IKZF5: variants seen among roughly 807,000 people sequenced by gnomAD.
IKZF5 encodes the protein IKAROS family zinc finger 5, also known as zinc finger protein Pegasus.
IKZF5 carries 4 observed loss-of-function variants against 30.7 expected under a neutral mutation model. The observed-to-expected ratio is 0.13, with a 90% CI of 0.06 to 0.30. The LOEUF is 0.30. Among genes scored for constraint, IKZF5 ranks in the 10% least tolerant of loss-of-function variants. The pLI is 1.00. For missense variants in IKZF5, 348 were observed against 525.5 expected (o/e 0.66, Z 3.30); for synonymous variants, 148 against 179.6 (o/e 0.82, Z 1.41).
At chr10:122,996,354 TTCTG>T (rs1176021808) in intron 3 of IKZF5, among the ~76,000 whole-genome samples, 178 bp from the exon 4 acceptor site, 1 of 152,158 alleles carries the variant, frequency 6.6e-6, no homozygotes, top group African/African-American at 2.4e-5. Flanking sequence ...CAGTAATACA[TTCTG>T]TATTATATTC....
At position 122,990,852 on chromosome 10, in the gene IKZF5, C is replaced by T. The variant is rs1413983556; in HGVS notation, c.*2928G>A. 3 of 148,654 alleles carry T rather than the reference C, an allele frequency of 2.0e-5. No homozygotes were observed. Among genetic ancestry groups the T allele is most frequent in the African/African-American group, 7.5e-5 (3 of 40,040 alleles). 9.2% of individuals were successfully genotyped at this position (148,654 alleles called of 1,614,324 possible). A position where few individuals can be genotyped will look rare whatever the true frequency, so the allele number is the denominator to read the frequency against. On this transcript the variant is annotated 3_prime_UTR_variant, in exon 5 of 5. Transcript: ENST00000368886. Reference sequence around the variant, plus strand: ...TTTATTACAAAAGCAAAGCTTCATTCACAATATGAACTGCATACTAGATAT... The same window carrying T: ...TTTATTACAAAAGCAAAGCTTCATTTACAATATGAACTGCATACTAGATAT...
chr10:122,994,886 C>T lies in IKZF5; in HGVS notation c.317-163G>A, dbSNP rs1248599614. On this transcript the variant is annotated intron_variant, in intron 4 of 4. Coordinates refer to ENST00000368886, the MANE Select transcript of IKZF5 (RefSeq NM_001372123.1). This position sits in a 1 kb window ranked among gnomAD's most constrained non-coding sequence, Gnocchi z 5.6. ...GATTGTTAAAATTTGTAAATAAACCCACAAATTGAAATAAAGCTTAAGAAC... is the reference window on the plus strand; with the variant it reads ...GATTGTTAAAATTTGTAAATAAACCTACAAATTGAAATAAAGCTTAAGAAC... 2 of 611,434 alleles carry T rather than the reference C, an allele frequency of 3.3e-6. No individual in the cohort carries two copies. Among genetic ancestry groups the T allele is most frequent in the Non-Finnish European group, 5.6e-6 (2 of 356,944 alleles). 37.9% of individuals were successfully genotyped at this position (611,434 alleles called of 1,614,324 possible).
chr10:122,996,746 G>A (rs1456211411), intron 3 of IKZF5, among the ~76,000 whole-genome samples: 1 of 152,052 alleles, frequency 6.6e-6, no homozygotes, highest in East Asian at 1.9e-4. Context: ...CATTGTACTG[G>A]TCCTTAACAT....
At chr10:123,000,436 T>G (rs1255225459) in intron 2 of IKZF5, among the ~76,000 whole-genome samples, 1 of 152,260 alleles carries the variant, frequency 6.6e-6, no homozygotes, top group Non-Finnish European at 1.5e-5. Context: ...GTCTGTTGTA[T>G]GACCATGCCA....
intron 3 of IKZF5, among the ~76,000 whole-genome samples, chr10:122,996,853 A>G (rs1234122362): frequency 6.6e-6 from 1 of 152,168 alleles, no homozygotes; most frequent in Non-Finnish European, 1.5e-5. Flanking sequence ...CACCCTCGCT[A>G]TTTCTACAAC....
intron 1 of IKZF5, among the ~76,000 whole-genome samples, chr10:123,008,397 C>G (rs1849900385): frequency 6.6e-6 from 1 of 152,190 alleles, no homozygotes; most frequent in Non-Finnish European, 1.5e-5. Flanking sequence ...CTGTCAGAGC[C>G]AAGCAACAGT....
intron 2 of IKZF5, among the ~76,000 whole-genome samples, chr10:123,005,034 A>G (rs1189361949): frequency 6.6e-6 from 1 of 152,204 alleles, no homozygotes; most frequent in African/African-American, 2.4e-5. Flanking sequence ...TATGACTACA[A>G]TCCCAGCACT....
At chr10:122,997,866 T>C (rs1849434526) in intron 3 of IKZF5, among the ~76,000 whole-genome samples, 1 of 152,230 alleles carries the variant, frequency 6.6e-6, no homozygotes, top group South Asian at 2.1e-4. Flanking sequence ...TTTGACACTT[T>C]TAAAACCATC....
Position 122,992,860 on chromosome 10 carries a change from G to C in IKZF5, c.*920C>G, listed in dbSNP as rs542459387. On this transcript the variant is annotated 3_prime_UTR_variant, in exon 5 of 5. Coordinates refer to ENST00000368886, the MANE Select transcript of IKZF5 (RefSeq NM_001372123.1). ...TACCCACCTTTTCTTGGAAATTATG[G>C]GCAGAAAATGGATAGAAGGAAGGAA... 4.1e-4 allele frequency: 63 copies of C among 152,582 alleles called. No homozygotes were observed. The highest frequency in any genetic ancestry group is 1.4e-3 in the African/African-American group (60 of 41,526). 9.5% of individuals were successfully genotyped at this position (152,582 alleles called of 1,614,324 possible). A position where few individuals can be genotyped will look rare whatever the true frequency, so the allele number is the denominator to read the frequency against.
rs1294218588 is a variant in IKZF5, at chr10:122,992,106, T to TA, written c.*1673dup. 24 of 152,336 alleles carry TA rather than the reference T, an allele frequency of 1.6e-4. No homozygotes were observed. The highest frequency in any genetic ancestry group is 1.3e-3 in the Admixed American group (20 of 15,304). 9.4% of individuals were successfully genotyped at this position (152,336 alleles called of 1,614,324 possible). On this transcript the variant is annotated 3_prime_UTR_variant, in exon 5 of 5. Transcript: ENST00000368886. ...ACAATGTAACAGAATTGTAGAATTT[T>TA]AAAGTACAAGATTTGACAAAGAAGA...
rs562020877 is a variant in IKZF5 at position 123,005,041 on chromosome 10, C to T, written c.-47+1985G>A. Among the ~76,000 whole-genome samples the T allele has an allele frequency of 2.3e-4, 35 of 152,206 alleles. No homozygotes were observed. The South Asian group carries it at 7.0e-3, about 31-fold the overall frequency. ...TGGTGGCTTATGACTACAATCCCAG[C>T]ACTTTCAGAGGCTAAGGTGGGAGGA... On this transcript the variant is annotated intron_variant, in intron 2 of 4. Coordinates refer to ENST00000368886, the MANE Select transcript of IKZF5 (RefSeq NM_001372123.1).
At chr10:123,007,498 T>C (rs1849841536) in intron 1 of IKZF5, among the ~76,000 whole-genome samples, 1 of 152,196 alleles carries the variant, frequency 6.6e-6, no homozygotes, top group Non-Finnish European at 1.5e-5. Flanking sequence ...CACAGCACAC[T>C]TCCAAAACGG....
intron 2 of IKZF5, among the ~76,000 whole-genome samples, chr10:123,003,831 T>C (rs1849691282): frequency 6.6e-6 from 1 of 152,250 alleles, no homozygotes; most frequent in African/African-American, 2.4e-5. Context: ...AATTTGCAAT[T>C]TTTCAAATCA....
chr10:122,994,150 A>C lies in IKZF5; in HGVS notation c.890T>G (p.Val297Gly). 1 of 1,614,112 alleles carries C rather than the reference A, an allele frequency of 6.2e-7. No homozygotes were observed. The highest frequency in any genetic ancestry group is 1.1e-5 in the South Asian group (1 of 91,074). Residue 297 changes from valine (V) to glycine (G), a missense_variant, in exon 5 of 5, where the codon GTT (valine) becomes GGT (glycine). Transcript: ENST00000368886. This position sits in a 1 kb window ranked among gnomAD's most constrained non-coding sequence, Gnocchi z 5.6. ...MIQQPSTQAV[V>G]SAVSASIPQS... ...AGGAATACTTGCTGATACGGCAGAA[A>C]CTACTGCTTGGGTAGAGGGCTGCTG...
chr10:123,006,164 C>T (rs1441343094), intron 2 of IKZF5, among the ~76,000 whole-genome samples: 3 of 152,138 alleles, frequency 2.0e-5, no homozygotes, highest in African/African-American at 7.2e-5. Flanking sequence ...CAACCAGAGG[C>T]TATGCAAGCC....
intron 2 of IKZF5, among the ~76,000 whole-genome samples, chr10:123,004,873 C>CTA (rs1849725600): frequency 6.6e-6 from 1 of 152,076 alleles, no homozygotes; most frequent in Admixed American, 6.5e-5. Context: ...AAGCCCTAGT[C>CTA]TATAGTAGAG....
At chr10:122,995,717 T>C (rs1276660531) in intron 4 of IKZF5, among the ~76,000 whole-genome samples, 1 of 152,162 alleles carries the variant, frequency 6.6e-6, no homozygotes, top group Non-Finnish European at 1.5e-5. Context: ...CATTATTCCT[T>C]CCCAATCTGA....
rs1401535801 is a variant in IKZF5, at chr10:123,008,781, C to T, written c.-285G>A. 10 of 611,608 alleles carry T rather than the reference C, an allele frequency of 1.6e-5. No individual in the cohort carries two copies. Among genetic ancestry groups the T allele is most frequent in the Non-Finnish European group, 2.3e-5 (8 of 343,158 alleles). The allele number at this position is 611,608 out of a possible 1,614,324, so 37.9% of individuals were successfully genotyped here. A position where few individuals can be genotyped will look rare whatever the true frequency, so the allele number is the denominator to read the frequency against. On this transcript the variant is annotated 5_prime_UTR_variant, in exon 1 of 5. Coordinates refer to ENST00000368886, the MANE Select transcript of IKZF5 (RefSeq NM_001372123.1). ...TCTTCGTCACCGTCACAGTCGCCGC[C>T]GCCATCTTTGTTGTGTCTCCGACTC...
chr10:122,998,061 C>A (rs904208700), intron 3 of IKZF5, among the ~76,000 whole-genome samples: 1 of 152,204 alleles, frequency 6.6e-6, no homozygotes, highest in African/African-American at 2.4e-5. Flanking sequence ...TCTCTATTTT[C>A]ATTTCTCTTC....
Sources: allele counts gnomAD v4.1 joint callset (sites outside exome capture counted in the v4.1 genomes callset), GRCh38; gene constraint gnomAD v4.1.1; non-coding constraint Gnocchi (gnomAD v3.1); transcripts MANE v1.5; gene names NCBI Gene and HGNC (gene_info 2026-07-23, HGNC 2026-07-21).